RANBP2: variants seen among roughly 807,000 people sequenced by gnomAD.
The protein encoded by RANBP2 is RAN binding protein 2.
In RANBP2, 57 loss-of-function variants were observed where a neutral mutation model predicts 303.6. The ratio of observed to expected loss-of-function variants is 0.19; its 90% CI spans 0.15 to 0.23. RANBP2 has a LOEUF of 0.23. Ranked by LOEUF, RANBP2 falls within the 10% of genes least tolerant of loss-of-function variation. The probability of loss-of-function intolerance (pLI) is 1.00; values close to 1 mark genes in which losing one functional copy is unlikely to be tolerated. For missense variants in RANBP2, 3,138 were observed against 3,780.8 expected (o/e 0.83, Z 4.46); for synonymous variants, 1,167 against 1,301.5 (o/e 0.90, Z 2.23).
the RANBP2 span, among the ~76,000 whole-genome samples, chr2:109,559,592 A>T: frequency 6.6e-6 from 1 of 152,208 alleles, no homozygotes; most frequent in East Asian, 1.9e-4. Flanking sequence ...CCTATCATTG[A>T]GTCCTTTCCT....
chr2:108,863,998 C>T, the RANBP2 span, among the ~76,000 whole-genome samples: 1 of 152,150 alleles, frequency 6.6e-6, no homozygotes, highest in East Asian at 1.9e-4. Flanking sequence ...ACACTGTTAA[C>T]AGAATCTCTG....
the RANBP2 span, among the ~76,000 whole-genome samples, chr2:109,460,553 G>A: frequency 6.6e-6 from 1 of 152,156 alleles, no homozygotes; most frequent in Non-Finnish European, 1.5e-5. Context: ...TGAGGAAAGA[G>A]GCTCAGTCAT....
chr2:109,226,588 CT>C, the RANBP2 span, among the ~76,000 whole-genome samples: 3 of 152,182 alleles, frequency 2.0e-5, no homozygotes, highest in Non-Finnish European at 4.4e-5. Context: ...TCACTCTTAG[CT>C]TTTTCTCATT....
chr2:109,615,330 G>A, the RANBP2 span: 1 of 1,611,300 alleles, frequency 6.2e-7, no homozygotes, highest in Non-Finnish European at 8.5e-7. Flanking sequence ...TGGCAAGTGG[G>A]ACAGCCTGGA....
At chr2:109,380,435 TTG>T in the RANBP2 span, among the ~76,000 whole-genome samples, 1 of 152,134 alleles carries the variant, frequency 6.6e-6, no homozygotes, top group African/African-American at 2.4e-5. Flanking sequence ...TGTTATTGGG[TTG>T]TGGTTCAGTG....
the RANBP2 span, among the ~76,000 whole-genome samples, chr2:108,807,092 A>G: frequency 1.0e-3 from 155 of 152,354 alleles, no homozygotes; most frequent in African/African-American, 3.5e-3. Flanking sequence ...ATTAATAAGC[A>G]TGTCAAAAGA....
At chr2:109,128,291 G>T in the RANBP2 span, 1 of 152,288 alleles carries the variant, frequency 6.6e-6, no homozygotes, top group African/African-American at 2.4e-5. Context: ...AGGAGAGCGC[G>T]AATTCACCCT....
At chr2:109,190,286 G>T in the RANBP2 span, among the ~76,000 whole-genome samples, 1 of 151,990 alleles carries the variant, frequency 6.6e-6, no homozygotes, top group Non-Finnish European at 1.5e-5. Context: ...TGATTCTTCT[G>T]CCTCAACCTC....
chr2:108,860,793 G>A, the RANBP2 span, among the ~76,000 whole-genome samples: 1 of 151,806 alleles, frequency 6.6e-6, no homozygotes, highest in Non-Finnish European at 1.5e-5. Flanking sequence ...CCAGATTTTG[G>A]CATCAGTATG....
chr2:109,190,781 A>G, the RANBP2 span, among the ~76,000 whole-genome samples: 1 of 152,074 alleles, frequency 6.6e-6, no homozygotes, highest in Non-Finnish European at 1.5e-5. Context: ...GATCACTCAT[A>G]GGTGTTGCAT....
chr2:109,513,400 GCA>G, the RANBP2 span, among the ~76,000 whole-genome samples: 1 of 150,966 alleles, frequency 6.6e-6, no homozygotes, highest in Non-Finnish European at 1.5e-5. Context: ...ACACATGCAT[GCA>G]CATACTCCAC....
chr2:108,772,077 C>T (rs79817823), intron 21 of RANBP2, among the ~76,000 whole-genome samples: 3 of 152,070 alleles, frequency 2.0e-5, no homozygotes, highest in African/African-American at 7.2e-5. Context: ...TTTTGGATGG[C>T]TAATGTGCCA....
At chr2:109,615,329 G>C in the RANBP2 span, 1 of 1,611,210 alleles carries the variant, frequency 6.2e-7, no homozygotes, top group Admixed American at 1.7e-5. Context: ...ATGGCAAGTG[G>C]GACAGCCTGG....
chr2:109,718,291 A>C, the RANBP2 span, among the ~76,000 whole-genome samples: 1 of 152,258 alleles, frequency 6.6e-6, no homozygotes, highest in Non-Finnish European at 1.5e-5. Flanking sequence ...AGCATTTTCC[A>C]TAATAACCAA....
chr2:109,618,431 GT>G, the RANBP2 span: 1 of 167,058 alleles, frequency 6.0e-6, no homozygotes, highest in Non-Finnish European at 1.5e-5. Flanking sequence ...TAGAGATTGA[GT>G]CAATATGTCA....
At chr2:109,607,507 G>A in the RANBP2 span, among the ~76,000 whole-genome samples, 2 of 152,054 alleles carry the variant, frequency 1.3e-5, no homozygotes, top group African/African-American at 4.8e-5. Context: ...TAAACAAATG[G>A]TCTGTGGCCC....
At chr2:109,120,378 A>G in the RANBP2 span, among the ~76,000 whole-genome samples, 2 of 152,164 alleles carry the variant, frequency 1.3e-5, no homozygotes, top group Non-Finnish European at 2.9e-5. Context: ...GGGCTTCCTC[A>G]CAGGTGAATA....
Position 108,767,322 on chromosome 2 carries a change from T to C in RANBP2, c.6783T>C (p.Gly2261=), listed in dbSNP as rs778884184. Residue 2261 remains glycine, a synonymous_variant, in exon 20 of 29, where the codon GGT becomes GGC. Transcript: ENST00000283195. ...SPVRKNLFRF[G]ESTTGFNFSF... is the part of the protein sequence containing the mutation. ...TGAGAAAAAATCTTTTCCGTTTTGG[T>C]GAGTCAACAACAGGATTTAACTTCA... 3 of 1,611,956 alleles carry C rather than the reference T, an allele frequency of 1.9e-6. No homozygotes were observed. The highest frequency in any genetic ancestry group is 1.3e-5 in the African/African-American group (1 of 74,868).
chr2:108,968,393 T>C, the RANBP2 span, among the ~76,000 whole-genome samples: 1 of 152,208 alleles, frequency 6.6e-6, no homozygotes, highest in Admixed American at 6.5e-5. Context: ...TGCATCCTTT[T>C]GACTGTTGAA....
Sources: allele counts gnomAD v4.1 joint callset (sites outside exome capture counted in the v4.1 genomes callset), GRCh38; gene constraint gnomAD v4.1.1; transcripts MANE v1.5; gene names NCBI Gene and HGNC (gene_info 2026-07-23, HGNC 2026-07-21).